PXDNL: variants seen among roughly 807,000 people sequenced by gnomAD.
The protein encoded by PXDNL is peroxidasin like, also known as probable oxidoreductase PXDNL.
PXDNL carries 145 observed loss-of-function variants against 150.8 expected under a neutral mutation model. The observed-to-expected ratio is 0.96, with a 90% CI of 0.84 to 1.10. PXDNL has a LOEUF of 1.10. PXDNL is among the 50% of genes least tolerant of loss of function. PXDNL has a pLI of 0.00. For missense variants in PXDNL, 2,087 were observed against 1,873.9 expected (o/e 1.11, Z -2.10); for synonymous variants, 757 against 725.7 (o/e 1.04, Z -0.69).
intron 19 of PXDNL, among the ~76,000 whole-genome samples, chr8:51,367,390 T>C (rs1806954808): frequency 6.6e-6 from 1 of 152,208 alleles, no homozygotes; most frequent in Non-Finnish European, 1.5e-5. Flanking sequence ...ATTAAGTTTT[T>C]ACTCACTGCA....
intron 5 of PXDNL, among the ~76,000 whole-genome samples, chr8:51,484,287 T>C (rs925776919): frequency 4.0e-5 from 6 of 151,868 alleles, no homozygotes; most frequent in African/African-American, 1.5e-4. Context: ...ATACAAAAAT[T>C]AGCCAGGCAT....
chr8:51,472,431 T>G, intron 7 of PXDNL, 127 bp from the exon 8 acceptor site: 2 of 636,186 alleles, frequency 3.1e-6, no homozygotes, highest in Non-Finnish European at 5.4e-6. Flanking sequence ...CGAACTGCAT[T>G]TACCCGGTAA....
At chr8:51,329,174 G>C (rs79833846) in intron 21 of PXDNL, among the ~76,000 whole-genome samples, 1 of 152,120 alleles carries the variant, frequency 6.6e-6, no homozygotes, top group African/African-American at 2.4e-5. Flanking sequence ...GGTTTCATCA[G>C]AGGATGATAA....
At chr8:51,531,902 C>T (rs771116056) in intron 4 of PXDNL, among the ~76,000 whole-genome samples, 15 of 152,216 alleles carry the variant, frequency 9.9e-5, no homozygotes, top group Non-Finnish European at 1.8e-4. Flanking sequence ...TGGTGAAGTG[C>T]TCCCCCCACC....
At chr8:51,718,799 T>C (rs944359179) in intron 1 of PXDNL, among the ~76,000 whole-genome samples, 2 of 152,202 alleles carry the variant, frequency 1.3e-5, no homozygotes, top group Non-Finnish European at 2.9e-5. Context: ...GGTACACTCA[T>C]GCTGATCATC....
intron 17 of PXDNL, among the ~76,000 whole-genome samples, chr8:51,398,183 G>C (rs966068953): frequency 5.3e-5 from 8 of 152,226 alleles, no homozygotes; most frequent in Admixed American, 3.3e-4. Context: ...GGAAACTCAT[G>C]ACAGTGGCCT....
chr8:51,713,988 G>A (rs2130904247), intron 1 of PXDNL, among the ~76,000 whole-genome samples: 1 of 152,152 alleles, frequency 6.6e-6, no homozygotes, highest in East Asian at 1.9e-4. Flanking sequence ...GTTTTTTGGA[G>A]TTTTCAAATG....
At chr8:51,388,302 GT>G (rs907726300) in intron 17 of PXDNL, among the ~76,000 whole-genome samples, 5 of 151,884 alleles carry the variant, frequency 3.3e-5, no homozygotes, top group Admixed American at 2.0e-4. Context: ...TAGAAATCTG[GT>G]TTTTTTATGT....
Position 51,757,089 on chromosome 8 carries a change from T to C in PXDNL, c.164+52092A>G, listed in dbSNP as rs1468768521. ...TATACTTTTCTCTGATAGTGATTTT[T>C]TTTTAATATTCACTTAATCAAGAAC... On this transcript the variant is annotated intron_variant, in intron 1 of 22. Coordinates refer to ENST00000356297, the MANE Select transcript of PXDNL (RefSeq NM_144651.5). Among the ~76,000 whole-genome samples, 3 of 152,244 alleles carry C rather than the reference T, an allele frequency of 2.0e-5. No individual in the cohort carries two copies. The East Asian group carries it at 5.8e-4, about 29-fold the overall frequency.
rs754079297 is a variant in PXDNL, at chr8:51,408,608, C to T, written c.3016G>A (p.Gly1006Ser). 6.2e-7 allele frequency: 1 copy of T among 1,611,164 alleles called. No homozygotes were observed. The highest frequency in any genetic ancestry group is 1.7e-5 in the Admixed American group (1 of 59,718). The change falls in exon 17 of 23, where the codon GGC (glycine) becomes AGC (serine). Residue 1006 changes from glycine to serine, a missense_variant. Physicochemically the swap from Gly to Ser is moderately conservative, Grantham distance 56 (BLOSUM62 0). Coordinates refer to ENST00000356297, the MANE Select transcript of PXDNL (RefSeq NM_144651.5). ...TAGGTGATGTGCTGCAGCTCCGCGC[C>T]CACGATCTTCCTGGCTTCCTGGTAA... ...TVYQEARKIVGAELQHITYSH... is the reference protein window; with the variant it reads ...TVYQEARKIVSAELQHITYSH...
intron 4 of PXDNL, among the ~76,000 whole-genome samples, chr8:51,533,754 C>T (rs1358864845): frequency 1.3e-5 from 2 of 149,550 alleles, no homozygotes; most frequent in Non-Finnish European, 3.0e-5. Context: ...CCCGAGGTGC[C>T]GGGATTGCAG....
At chr8:51,418,780 T>C (rs916589149) in intron 14 of PXDNL, among the ~76,000 whole-genome samples, 3 of 152,234 alleles carry the variant, frequency 2.0e-5, no homozygotes, top group African/African-American at 4.8e-5. Flanking sequence ...TCAGTTTAGT[T>C]TGATAATAAT....
chr8:51,699,233 A>G (rs574757916), intron 1 of PXDNL, among the ~76,000 whole-genome samples: 7 of 152,338 alleles, frequency 4.6e-5, no homozygotes, highest in African/African-American at 1.7e-4. Context: ...TTCTTCCAGT[A>G]GAAATCTGGA....
chr8:51,472,589 T>C (rs1430981314), intron 7 of PXDNL, among the ~76,000 whole-genome samples: 1 of 152,216 alleles, frequency 6.6e-6, no homozygotes, highest in East Asian at 1.9e-4. Context: ...ACCATATTTA[T>C]GGAAGGAGTT....
At chr8:51,397,298 AC>A (rs1393891136) in intron 17 of PXDNL, among the ~76,000 whole-genome samples, 4 of 152,216 alleles carry the variant, frequency 2.6e-5, no homozygotes, top group Non-Finnish European at 5.9e-5. Flanking sequence ...TTATACTATT[AC>A]TTTTAAAGAT....
At chr8:51,461,526 C>T (rs570003351) in intron 8 of PXDNL, among the ~76,000 whole-genome samples, 5 of 152,336 alleles carry the variant, frequency 3.3e-5, no homozygotes, top group African/African-American at 1.2e-4. Context: ...AAAACCCAAG[C>T]CGTGGGCACT....
chr8:51,413,838 T>C (rs904564484), intron 14 of PXDNL, among the ~76,000 whole-genome samples: 32 of 152,296 alleles, frequency 2.1e-4, no homozygotes, highest in African/African-American at 7.7e-4. Flanking sequence ...CTTCAAATAA[T>C]GGTTTAAGAA....
intron 2 of PXDNL, among the ~76,000 whole-genome samples, chr8:51,636,801 CTT>C (rs35542860): frequency 4.5e-4 from 66 of 146,800 alleles, no homozygotes; most frequent in Middle Eastern, 3.6e-3. Context: ...TTTCCAATGA[CTT>C]TTTTTTTTTT....
At chr8:51,592,604 T>C (rs1813468416) in intron 3 of PXDNL, 23 bp downstream of exon 3, 1 of 1,464,604 alleles carries the variant, frequency 6.8e-7, no homozygotes, top group Non-Finnish European at 9.3e-7. Context: ...CATAAGGCAT[T>C]GTTGTTTTTT....
Sources: gnomAD v4.1 joint callset for allele counts (sites outside exome capture counted in the v4.1 genomes callset) on GRCh38, gnomAD v4.1.1 for gene constraint, MANE v1.5 for transcripts, NCBI Gene and HGNC (gene_info 2026-07-23, HGNC 2026-07-21) for gene names.